GOLGA4: variants seen among roughly 807,000 people sequenced by gnomAD.
The protein encoded by GOLGA4 is golgin A4.
A neutral mutation model predicts 265.9 loss-of-function variants in GOLGA4; 169 were observed. The ratio of observed to expected loss-of-function variants is 0.64; its 90% CI spans 0.56 to 0.72. The LOEUF is 0.72. Ranked by LOEUF, GOLGA4 falls within the 30% of genes least tolerant of loss-of-function variation. GOLGA4 has a pLI of 0.00. For synonymous variants in GOLGA4, 923 were observed against 855.8 expected, an observed-to-expected ratio of 1.08 and a Z score of -1.37; for missense variants, 2,482 against 2,483.4, an observed-to-expected ratio of 1.00 and a Z score of 0.01.
At position 37,243,599 on chromosome 3, in the gene GOLGA4, C is replaced by G. The variant is rs1432523543; in HGVS notation, c.49C>G (p.Gln17Glu). ...GATCAGCGAGGAGCAGCAGCAGCTCCAGCAGGCGCTGGCTCCTGCTCAGGT... is the reference window on the plus strand; with the variant it reads ...GATCAGCGAGGAGCAGCAGCAGCTCGAGCAGGCGCTGGCTCCTGCTCAGGT... ...QKISEEQQQL[Q>E]QALAPAQASS... is the part of the protein sequence containing the mutation. The change falls in exon 1 of 24, where the codon CAG becomes GAG. Residue 17 changes from glutamine (Q) to glutamate (E), a missense_variant. Gln to Glu is a conservative substitution (Grantham distance 29). Coordinates refer to ENST00000361924, the MANE Select transcript of GOLGA4 (RefSeq NM_002078.5). 6.2e-7 allele frequency: 1 copy of G among 1,613,642 alleles called. No homozygotes were observed. Among genetic ancestry groups the G allele is most frequent in the Non-Finnish European group, 8.5e-7 (1 of 1,179,928 alleles).
intron 3 of GOLGA4, among the ~76,000 whole-genome samples, chr3:37,284,464 G>T (rs1279156951): frequency 6.6e-6 from 1 of 152,098 alleles, no homozygotes; most frequent in Non-Finnish European, 1.5e-5. Context: ...ATGTTGGCCA[G>T]GCTGGTCTTG....
At chr3:37,253,130 C>T (rs2096738688) in intron 2 of GOLGA4, among the ~76,000 whole-genome samples, 1 of 151,764 alleles carries the variant, frequency 6.6e-6, no homozygotes, top group Admixed American at 6.6e-5. Context: ...TGGCATGCAC[C>T]TGTGTGGTCC....
intron 21 of GOLGA4, among the ~76,000 whole-genome samples, chr3:37,349,101 C>CT (rs1226522670): frequency 6.6e-6 from 1 of 152,138 alleles, no homozygotes; most frequent in African/African-American, 2.4e-5. Context: ...GAAGAGTAGT[C>CT]TATCATTCTG....
intron 20 of GOLGA4, among the ~76,000 whole-genome samples, chr3:37,346,423 G>C (rs1286338256): frequency 6.6e-6 from 1 of 152,132 alleles, no homozygotes. Context: ...ACATCATACT[G>C]TATGTGTCCT....
chr3:37,262,434 C>T (rs544889457), intron 2 of GOLGA4, among the ~76,000 whole-genome samples: 8 of 151,570 alleles, frequency 5.3e-5, no homozygotes, highest in South Asian at 2.1e-4. Flanking sequence ...TAGTTGAACG[C>T]GGGAGGTGGA....
At chr3:37,286,882 T>C (rs1379057555) in intron 4 of GOLGA4, among the ~76,000 whole-genome samples, 1 of 152,224 alleles carries the variant, frequency 6.6e-6, no homozygotes, top group African/African-American at 2.4e-5. Context: ...GAAACTATTA[T>C]ATTCAGGGTG....
At chr3:37,251,559 T>C (rs935499991) in intron 2 of GOLGA4, 75 bp downstream of exon 2, 2 of 923,518 alleles carry the variant, frequency 2.2e-6, no homozygotes, top group African/African-American at 3.3e-5. Context: ...GATAACAAAA[T>C]GGGAAACTTT....
chr3:37,365,992 G>C, intron 23 of GOLGA4, 88 bp from the exon 24 acceptor site: 1 of 1,166,152 alleles, frequency 8.6e-7, no homozygotes. Flanking sequence ...TTTCAAACTT[G>C]AAAAAACAAA....
intron 17 of GOLGA4, among the ~76,000 whole-genome samples, chr3:37,335,530 A>T (rs562434150): frequency 6.6e-6 from 1 of 152,202 alleles, no homozygotes; most frequent in African/African-American, 2.4e-5. Context: ...TGATACTTTT[A>T]GATTTTTGGA....
intron 19 of GOLGA4, 30 bp downstream of exon 19, chr3:37,337,764 G>A (rs761072794): frequency 1.4e-6 from 2 of 1,417,260 alleles, no homozygotes; most frequent in Non-Finnish European, 2.0e-6. Flanking sequence ...CTTTTATTTT[G>A]AACTAAAGTT....
chr3:37,326,205 A>G lies in GOLGA4; in HGVS notation c.4319A>G (p.Asn1440Ser), dbSNP rs765149200. 3.4e-5 allele frequency: 55 copies of G among 1,613,506 alleles called. No homozygotes were observed. Among genetic ancestry groups the G allele is most frequent in the Non-Finnish European group, 4.5e-5 (53 of 1,179,578 alleles). Reference protein sequence around the residue: ...SALEQVDDWSNKFSEWKKKAQ... With the variant: ...SALEQVDDWSSKFSEWKKKAQ... ...CTTGAGCAGGTAGATGACTGGTCCA[A>G]TAAATTCTCAGAATGGAAGAAGAAA... Residue 1440 changes from asparagine to serine, a missense_variant, in exon 14 of 24, where the codon AAT becomes AGT. Physicochemically the swap from Asn to Ser is conservative, Grantham distance 46. Coordinates refer to ENST00000361924, the MANE Select transcript of GOLGA4 (RefSeq NM_002078.5).
chr3:37,356,314 C>T (rs1482600052), intron 22 of GOLGA4, among the ~76,000 whole-genome samples: 3 of 152,106 alleles, frequency 2.0e-5, no homozygotes, highest in Non-Finnish European at 4.4e-5. Context: ...ATATCTCAGG[C>T]ACATTCTGAC....
At chr3:37,353,356 C>T (rs904892440) in intron 21 of GOLGA4, among the ~76,000 whole-genome samples, 3 of 152,136 alleles carry the variant, frequency 2.0e-5, no homozygotes, top group East Asian at 3.9e-4. Flanking sequence ...AAGCCAAAAA[C>T]CAAGAAACAG....
At chr3:37,337,418 C>T (rs1008378272) in intron 18 of GOLGA4, among the ~76,000 whole-genome samples, 1 of 151,932 alleles carries the variant, frequency 6.6e-6, no homozygotes, top group African/African-American at 2.4e-5. Context: ...GCCATGTTGG[C>T]CAGGCTGGTC....
rs770320533 is a variant in GOLGA4, at chr3:37,324,809, C to A, written c.2923C>A (p.Leu975Met). 6.3e-7 allele frequency: 1 copy of A among 1,585,016 alleles called. No homozygotes were observed. The highest frequency in any genetic ancestry group is 2.0e-5 in the Admixed American group (1 of 51,002). The change falls in exon 14 of 24, where the codon CTG (leucine) becomes ATG (methionine). Residue 975 changes from leucine to methionine, a missense_variant. Physicochemically the swap from Leu to Met is conservative, Grantham distance 15. Transcript: ENST00000361924. Reference protein sequence around the residue: ...EMQETLKKKLLDQEAKLKKEL... With the variant: ...EMQETLKKKLMDQEAKLKKEL... ...GCAAGAAACGTTAAAGAAAAAATTA[C>A]TGGATCAGGAAGCCAAACTTAAGAA...
chr3:37,286,975 G>T (rs989075052), intron 4 of GOLGA4, among the ~76,000 whole-genome samples: 14 of 152,142 alleles, frequency 9.2e-5, no homozygotes, highest in African/African-American at 3.1e-4. Context: ...GGTATTCCAG[G>T]TGATAATTCA....
intron 23 of GOLGA4, among the ~76,000 whole-genome samples, chr3:37,362,451 A>G (rs1038924755): frequency 6.6e-6 from 1 of 151,264 alleles, no homozygotes; most frequent in African/African-American, 2.4e-5. Context: ...CGTTTTAGCC[A>G]GGATGGTCTC....
At chr3:37,285,351 A>G (rs1030005200) in intron 3 of GOLGA4, among the ~76,000 whole-genome samples, 21 of 152,154 alleles carry the variant, frequency 1.4e-4, no homozygotes, top group African/African-American at 4.6e-4. Context: ...TTGTTAATCC[A>G]TAATTTCATT....
At chr3:37,271,078 C>T (rs948705291) in intron 2 of GOLGA4, among the ~76,000 whole-genome samples, 2 of 151,992 alleles carry the variant, frequency 1.3e-5, no homozygotes, top group African/African-American at 2.4e-5. Flanking sequence ...CTAATGTCAC[C>T]ACTGATCTGA....
Sources: gnomAD v4.1 joint callset for allele counts (sites outside exome capture counted in the v4.1 genomes callset) on GRCh38, gnomAD v4.1.1 for gene constraint, MANE v1.5 for transcripts, NCBI Gene and HGNC (gene_info 2026-07-23, HGNC 2026-07-21) for gene names.